XKR4: variants seen among roughly 807,000 people sequenced by gnomAD.
XKR4 encodes the protein XK related 4, also known as XK-related protein 4.
Under a neutral mutation model 53.9 loss-of-function variants are expected in XKR4, and 12 were observed. The ratio of observed to expected loss-of-function variants is 0.22; its 90% CI spans 0.14 to 0.36. The LOEUF (loss-of-function observed/expected upper bound fraction) is 0.36, where lower values mean the gene tolerates loss of function less well. Ranked by LOEUF, XKR4 falls within the 10% of genes least tolerant of loss-of-function variation. The probability of loss-of-function intolerance (pLI) is 1.00; values close to 1 mark genes in which losing one functional copy is unlikely to be tolerated. For missense variants in XKR4, 799 were observed against 859.5 expected (o/e 0.93, Z 0.88); for synonymous variants, 354 against 362.4 (o/e 0.98, Z 0.26).
At chr8:55,165,312 C>G (rs1190370180) in intron 1 of XKR4, among the ~76,000 whole-genome samples, 2 of 151,550 alleles carry the variant, frequency 1.3e-5, no homozygotes, top group African/African-American at 4.9e-5. Context: ...GATCTTTGAC[C>G]ATGTAATGAC....
At chr8:55,453,190 A>G in intron 2 of XKR4, 12 of 499,972 alleles carry the variant, frequency 2.4e-5, no homozygotes, top group South Asian at 1.7e-4. Context: ...GCTGTAAGAG[A>G]ACTACCTTAC....
intron 2 of XKR4, among the ~76,000 whole-genome samples, chr8:55,491,251 A>G (rs1307133337): frequency 2.6e-5 from 4 of 152,148 alleles, no homozygotes; most frequent in Non-Finnish European, 4.4e-5. Flanking sequence ...TTATAATAGC[A>G]GTTTTTAAAT....
At chr8:55,406,947 A>C (rs1052425194) in intron 2 of XKR4, among the ~76,000 whole-genome samples, 1 of 152,208 alleles carries the variant, frequency 6.6e-6, no homozygotes, top group African/African-American at 2.4e-5. Context: ...GGAACTATCC[A>C]ATACCTTATA....
At chr8:55,206,452 C>T (rs1198422069) in intron 1 of XKR4, among the ~76,000 whole-genome samples, 1 of 152,118 alleles carries the variant, frequency 6.6e-6, no homozygotes, top group South Asian at 2.1e-4. Context: ...CTCATTAGGG[C>T]ATATATTAAT....
At chr8:55,513,301 T>C (rs1361203846) in intron 2 of XKR4, among the ~76,000 whole-genome samples, 1 of 152,162 alleles carries the variant, frequency 6.6e-6, no homozygotes, top group African/African-American at 2.4e-5. Context: ...TGCTTGCGGA[T>C]GTTTTGTGGC....
At chr8:55,304,317 T>C (rs1313106906) in intron 1 of XKR4, among the ~76,000 whole-genome samples, 2 of 152,196 alleles carry the variant, frequency 1.3e-5, no homozygotes, top group African/African-American at 4.8e-5. Flanking sequence ...TTGAGTGAGT[T>C]TCTTAATCCT....
chr8:55,201,993 C>A (rs75776043), intron 1 of XKR4, among the ~76,000 whole-genome samples: 11,944 of 152,216 alleles, frequency 0.078, 639 homozygotes, highest in Non-Finnish European at 0.12. Flanking sequence ...TATTTATTTA[C>A]AAAATGGAGG....
intron 2 of XKR4, among the ~76,000 whole-genome samples, chr8:55,414,565 T>G (rs116117854): frequency 0.014 from 2,048 of 150,068 alleles, 55 homozygotes; most frequent in African/African-American, 0.048. Flanking sequence ...GTTGAGATTA[T>G]ATATAATATA....
At chr8:55,393,820 A>C (rs1229680067) in intron 2 of XKR4, among the ~76,000 whole-genome samples, 1 of 152,156 alleles carries the variant, frequency 6.6e-6, no homozygotes, top group East Asian at 1.9e-4. Context: ...TACCCATAAA[A>C]CATAAATGCC....
chr8:55,165,550 CA>C (rs752427396), intron 1 of XKR4, among the ~76,000 whole-genome samples: 6 of 152,056 alleles, frequency 3.9e-5, no homozygotes, highest in Non-Finnish European at 7.4e-5. Context: ...TAATCATTGA[CA>C]ATTTGTGGTG....
chr8:55,150,636 C>G (rs1458440126), intron 1 of XKR4, among the ~76,000 whole-genome samples: 1 of 152,126 alleles, frequency 6.6e-6, no homozygotes, highest in Non-Finnish European at 1.5e-5. Context: ...TCCTCCTCAC[C>G]CTGGAAAATC....
intron 1 of XKR4, among the ~76,000 whole-genome samples, chr8:55,286,763 C>T (rs1178699095): frequency 6.6e-6 from 1 of 152,158 alleles, no homozygotes; most frequent in African/African-American, 2.4e-5. Context: ...TCCTTTAGTG[C>T]ACACACCTTA....
chr8:55,103,870 T>TAC (rs1214632605), intron 1 of XKR4, among the ~76,000 whole-genome samples: 1 of 138,620 alleles, frequency 7.2e-6, no homozygotes, highest in African/African-American at 2.8e-5. Flanking sequence ...TATATATATA[T>TAC]ATATATATAT....
At chr8:55,209,203 A>ATGTG (rs77094773) in intron 1 of XKR4, among the ~76,000 whole-genome samples, 47,737 of 149,102 alleles carry the variant, frequency 0.32, 8,246 homozygotes, top group Middle Eastern at 0.4. Context: ...CAGTGTGTTT[A>ATGTG]TGTGTGTGTG....
chr8:55,466,638 A>T (rs948990619), intron 2 of XKR4, among the ~76,000 whole-genome samples: 2 of 151,980 alleles, frequency 1.3e-5, no homozygotes, highest in African/African-American at 2.4e-5. Flanking sequence ...AAGTATAATT[A>T]AAAAAATATA....
intron 1 of XKR4, among the ~76,000 whole-genome samples, chr8:55,183,320 G>C (rs1043492645): frequency 1.3e-5 from 2 of 150,664 alleles, no homozygotes; most frequent in Admixed American, 1.3e-4. Context: ...TTAGGTTAAT[G>C]GTTCAAGACT....
At chr8:55,450,546 G>A (rs568303912) in intron 2 of XKR4, 31 of 678,216 alleles carry the variant, frequency 4.6e-5, no homozygotes, top group South Asian at 1.3e-4. Context: ...TAGAAACAGC[G>A]GGACACGTGG....
At chr8:55,305,073 C>A (rs1176543823) in intron 1 of XKR4, among the ~76,000 whole-genome samples, 1 of 152,220 alleles carries the variant, frequency 6.6e-6, no homozygotes, top group East Asian at 1.9e-4. Flanking sequence ...AGATTGGGCT[C>A]AGCCAGTGGC....
rs576909703 is a variant in XKR4, at chr8:55,339,355, G to T, written c.807-18323G>T. ...GAGTAAGTAGCACCACTTTCATAAG[G>T]CTTCCGAGAAGGCTAAGAAAACATA... On this transcript the variant is annotated intron_variant, in intron 1 of 2. Transcript: ENST00000327381. 2.0e-5 allele frequency among the ~76,000 whole-genome samples: 3 copies of T among 152,148 alleles called. No individual in the cohort carries two copies. In the East Asian group the frequency reaches 5.8e-4, roughly 29 times the overall value.
Sources: gnomAD v4.1 joint callset for allele counts (sites outside exome capture counted in the v4.1 genomes callset) on GRCh38, gnomAD v4.1.1 for gene constraint, MANE v1.5 for transcripts, NCBI Gene and HGNC (gene_info 2026-07-23, HGNC 2026-07-21) for gene names.